The following GLE1 variants were observed in gnomAD, a reference collection of about 807,000 sequenced individuals.
GLE1 encodes the protein mRNA export factor GLE1.
A neutral mutation model predicts 97.3 loss-of-function variants in GLE1; 78 were observed. That is an observed-to-expected ratio of 0.80 (90% CI 0.67 to 0.97). The LOEUF is 0.97. GLE1 is among the 50% of genes least tolerant of loss of function. The probability of loss-of-function intolerance (pLI) is 0.00; values close to 1 mark genes in which losing one functional copy is unlikely to be tolerated. For synonymous variants in GLE1, 302 were observed against 313.4 expected, an observed-to-expected ratio of 0.96 and a Z score of 0.39; for missense variants, 753 against 857.5, an observed-to-expected ratio of 0.88 and a Z score of 1.52.
chr9:128,508,467 C>T (rs1846707686), intron 1 of GLE1, among the ~76,000 whole-genome samples: 1 of 152,126 alleles, frequency 6.6e-6, no homozygotes, highest in Non-Finnish European at 1.5e-5. Flanking sequence ...GGATGCTTTA[C>T]GATACTCGCA....
rs755876067 is a variant in GLE1 at position 128,533,752 on chromosome 9, T to C, written c.1456-9T>C. On this transcript the variant is annotated splice_polypyrimidine_tract_variant and intron_variant, in intron 10 of 15. Coordinates refer to ENST00000309971, the MANE Select transcript of GLE1 (RefSeq NM_001003722.2). ...TAAGTTAAAATTGTACCCACCTCTA[T>C]GTTCTCAGAAACAAGGCGAGGAGGA... 5 of 1,614,032 alleles carry C rather than the reference T, an allele frequency of 3.1e-6. No homozygotes were observed. The highest frequency in any genetic ancestry group is 2.2e-5 in the East Asian group (1 of 44,886).
chr9:128,516,822 C>T (rs1164312487), intron 3 of GLE1, among the ~76,000 whole-genome samples: 1 of 150,134 alleles, frequency 6.7e-6, no homozygotes, highest in Non-Finnish European at 1.5e-5. Context: ...GACGGGGTTT[C>T]ACCGTGTTGG....
intron 5 of GLE1, 110 bp downstream of exon 5, chr9:128,523,450 C>A: frequency 1.5e-6 from 2 of 1,363,502 alleles, no homozygotes; most frequent in Non-Finnish European, 2.1e-6. Context: ...CGTATTATGC[C>A]TGTGTATGAC....
At chr9:128,514,098 G>C (rs1239632908) in intron 2 of GLE1, among the ~76,000 whole-genome samples, 1 of 151,724 alleles carries the variant, frequency 6.6e-6, no homozygotes, top group Non-Finnish European at 1.5e-5. Flanking sequence ...AGCACTTTGG[G>C]AGCCTGAGGT....
At chr9:128,514,460 T>C (rs1846918878) in intron 2 of GLE1, among the ~76,000 whole-genome samples, 1 of 150,494 alleles carries the variant, frequency 6.6e-6, no homozygotes, top group African/African-American at 2.4e-5. Flanking sequence ...TTTTTTTTTT[T>C]TTTTGAGACG....
At chr9:128,517,252 T>A (rs1484027934) in intron 3 of GLE1, among the ~76,000 whole-genome samples, 2 of 151,584 alleles carry the variant, frequency 1.3e-5, no homozygotes, top group African/African-American at 4.9e-5. Flanking sequence ...ATTGTGCCAC[T>A]GCACTCTAGC....
intron 3 of GLE1, among the ~76,000 whole-genome samples, chr9:128,518,684 A>G (rs1589050877): frequency 6.6e-6 from 1 of 152,156 alleles, no homozygotes; most frequent in Non-Finnish European, 1.5e-5. Flanking sequence ...CCTGGCCAAC[A>G]TAGTGAAACC....
intron 15 of GLE1, chr9:128,540,655 G>T: frequency 2.5e-6 from 1 of 393,854 alleles, no homozygotes. Flanking sequence ...TCAGGTCTGG[G>T]GAATTGGTAA....
chr9:128,527,401 G>C (rs370961367), intron 8 of GLE1, 55 bp from the exon 9 acceptor site: 22 of 1,360,232 alleles, frequency 1.6e-5, no homozygotes, highest in Middle Eastern at 1.8e-4. Context: ...CTGATTCTAA[G>C]TGACATCTAC....
In GLE1 at chr9:128,523,769, G is replaced by A. The variant is rs370164024; in HGVS notation, c.820G>A (p.Val274Ile). ...ASEQHKALLK[V>I]DLAAFQTRGN... ...TGAGCAGCACAAAGCCCTGCTTAAG[G>A]TCGACCTGGCTGCCTTCCAGACCCG... is the stretch of plus-strand genomic sequence containing the variant. Residue 274 changes from valine to isoleucine, a missense_variant, in exon 6 of 16, where the codon GTC (valine) becomes ATC (isoleucine). Transcript: ENST00000309971. The A allele has an allele frequency of 6.2e-7, 1 of 1,614,038 alleles. No individual in the cohort carries two copies. The highest frequency in any genetic ancestry group is 8.5e-7 in the Non-Finnish European group (1 of 1,179,984).
intron 2 of GLE1, among the ~76,000 whole-genome samples, chr9:128,510,526 C>CTTTT (rs71381766): frequency 1.2e-5 from 1 of 82,728 alleles, no homozygotes; most frequent in African/African-American, 4.6e-5. Flanking sequence ...CACACCCAGG[C>CTTTT]TTTTTTTTTT....
intron 9 of GLE1, among the ~76,000 whole-genome samples, chr9:128,528,280 A>G (rs1350256712): frequency 4.7e-5 from 7 of 150,254 alleles, no homozygotes; most frequent in Non-Finnish European, 8.8e-5. Flanking sequence ...CTGGGATTAC[A>G]GGCGTGAGCC....
chr9:128,510,044 A>G (rs1184104124), intron 2 of GLE1, among the ~76,000 whole-genome samples: 1 of 152,046 alleles, frequency 6.6e-6, no homozygotes, highest in East Asian at 1.9e-4. Context: ...ATATACGTGA[A>G]CATGTCTTCT....
At chr9:128,535,986 T>C (rs1847696999) in intron 11 of GLE1, among the ~76,000 whole-genome samples, 1 of 151,886 alleles carries the variant, frequency 6.6e-6, no homozygotes, top group Non-Finnish European at 1.5e-5. Flanking sequence ...AAAAAAGCAA[T>C]TTATCTCTAA....
chr9:128,511,987 C>CT (rs1564143598), intron 2 of GLE1, among the ~76,000 whole-genome samples: 1 of 151,878 alleles, frequency 6.6e-6, no homozygotes, highest in East Asian at 1.9e-4. Context: ...AATTTTTGTA[C>CT]TTTTAGTAGA....
intron 9 of GLE1, chr9:128,528,760 A>C (rs1019342086): frequency 6.6e-6 from 1 of 151,984 alleles, no homozygotes; most frequent in Non-Finnish European, 1.5e-5. Context: ...TTTCCAAATT[A>C]CTCCAAGCTC....
intron 11 of GLE1, among the ~76,000 whole-genome samples, chr9:128,534,242 ACCTGTAGTCC>A (rs1343008227): frequency 6.6e-5 from 10 of 151,950 alleles, no homozygotes; most frequent in Non-Finnish European, 1.5e-4. Context: ...AATGGTGCAC[ACCTGTAGTCC>A]CAGCTACTCA....
chr9:128,539,538 C>T (rs1847825364), intron 13 of GLE1, 78 bp from the exon 14 acceptor site: 3 of 1,195,716 alleles, frequency 2.5e-6, no homozygotes, highest in Non-Finnish European at 1.2e-6. Flanking sequence ...AGATGAAGGG[C>T]TGATTGTGCT....
chr9:128,522,945 A>T, intron 4 of GLE1, 129 bp downstream of exon 4: 1 of 1,125,014 alleles, frequency 8.9e-7, no homozygotes, highest in Non-Finnish European at 1.3e-6. Flanking sequence ...ATAGGCAGAG[A>T]ATTTTATAAC....
Sources: gnomAD v4.1 joint callset for allele counts (sites outside exome capture counted in the v4.1 genomes callset) on GRCh38, gnomAD v4.1.1 for gene constraint, MANE v1.5 for transcripts, NCBI Gene and HGNC (gene_info 2026-07-23, HGNC 2026-07-21) for gene names.